The following XPO7 variants were observed in gnomAD, a reference collection of about 807,000 sequenced individuals.
XPO7 encodes exportin 7.
A neutral mutation model predicts 144.3 loss-of-function variants in XPO7; 21 were observed. That is an observed-to-expected ratio of 0.15 (90% CI 0.10 to 0.21). The LOEUF (loss-of-function observed/expected upper bound fraction) is 0.21, where lower values mean the gene tolerates loss of function less well. XPO7 is among the 10% of genes least tolerant of loss of function. XPO7 has a pLI of 1.00. For missense variants in XPO7, 808 were observed against 1,325.8 expected, an observed-to-expected ratio of 0.61 and a Z score of 6.06; for synonymous variants, 580 against 499.6, an observed-to-expected ratio of 1.16 and a Z score of -2.15.
intron 1 of XPO7, among the ~76,000 whole-genome samples, chr8:21,963,350 G>A (rs143457752): frequency 6.6e-4 from 101 of 152,262 alleles, no homozygotes; most frequent in Middle Eastern, 3.4e-3. Flanking sequence ...AGCAAGAATC[G>A]TAGTCTGTGA....
At chr8:21,982,834 C>T (rs1439975015) in intron 11 of XPO7, 22 bp downstream of exon 11, 10 of 1,576,270 alleles carry the variant, frequency 6.3e-6, no homozygotes, top group Non-Finnish European at 8.6e-6. Context: ...TAGCCTCATT[C>T]ATTCCCGCAC....
intron 6 of XPO7, 92 bp from the exon 7 acceptor site, chr8:21,976,264 T>A (rs1261184353): frequency 1.4e-6 from 2 of 1,425,202 alleles, no homozygotes; most frequent in Non-Finnish European, 1.9e-6. Flanking sequence ...CATATAGCCC[T>A]CCTTTTCTGA....
At chr8:21,997,152 A>G (rs1255725599) in intron 21 of XPO7, among the ~76,000 whole-genome samples, 1 of 152,190 alleles carries the variant, frequency 6.6e-6, no homozygotes, top group Non-Finnish European at 1.5e-5. Flanking sequence ...GGTAATATTT[A>G]AAGAGGCTAT....
intron 21 of XPO7, among the ~76,000 whole-genome samples, chr8:21,996,954 A>T (rs1812970503): frequency 6.6e-6 from 1 of 152,028 alleles, no homozygotes; most frequent in Non-Finnish European, 1.5e-5. Flanking sequence ...GATTACAGAC[A>T]TGCGCCACCA....
At chr8:21,992,132 A>C (rs1376090480) in intron 19 of XPO7, among the ~76,000 whole-genome samples, 158 bp downstream of exon 19, 6 of 151,896 alleles carry the variant, frequency 4.0e-5, no homozygotes, top group Non-Finnish European at 5.9e-5. Context: ...AGATTTGTAA[A>C]CTTCTGTTTT....
intron 1 of XPO7, among the ~76,000 whole-genome samples, chr8:21,944,338 C>T (rs375310470): frequency 1.1e-3 from 171 of 152,222 alleles, no homozygotes; most frequent in African/African-American, 3.9e-3. Flanking sequence ...GAGGCCTAGG[C>T]GGGCAGATCA....
chr8:21,985,986 C>T (rs1812566412), intron 13 of XPO7, among the ~76,000 whole-genome samples: 1 of 152,162 alleles, frequency 6.6e-6, no homozygotes, highest in Non-Finnish European at 1.5e-5. Context: ...ATATGGACTG[C>T]TTTTGCCATC....
intron 1 of XPO7, among the ~76,000 whole-genome samples, chr8:21,938,640 A>G (rs986600908): frequency 6.6e-6 from 1 of 152,186 alleles, no homozygotes; most frequent in African/African-American, 2.4e-5. Flanking sequence ...AATTATAACT[A>G]CTTGACACTA....
Position 22,005,248 on chromosome 8 carries a change from G to A in XPO7, c.*160G>A, listed in dbSNP as rs907416930. 4.0e-6 allele frequency: 2 copies of A among 504,552 alleles called. No individual in the cohort carries two copies. Among genetic ancestry groups the A allele is most frequent in the Non-Finnish European group, 6.9e-6 (2 of 289,466 alleles). 31.3% of individuals were successfully genotyped at this position (504,552 alleles called of 1,614,324 possible). ...CTAGCTGCTTCCCCAGGGAATAGGG[G>A]TGTGAGTACACTCACTAGGGGGCAG... On this transcript the variant is annotated 3_prime_UTR_variant, in exon 28 of 28. Transcript: ENST00000252512.
At position 21,989,004 on chromosome 8, in the gene XPO7, A is replaced by G. The variant is rs1378286228; in HGVS notation, c.1789A>G (p.Ile597Val). Residue 597 changes from isoleucine (I) to valine (V), a missense_variant and splice_region_variant, in exon 16 of 28, where the codon ATC (isoleucine) becomes GTC (valine). Transcript: ENST00000252512. ...TTTTTTTTTCTTTTTGTCCTCCAGC[A>G]TCACCAACTTGAAGTACTGGGGCCG... ...MVLSVFIGKI[I>V]TNLKYWGRCE... 1.2e-6 allele frequency: 2 copies of G among 1,613,060 alleles called. No homozygotes were observed. The highest frequency in any genetic ancestry group is 1.1e-5 in the South Asian group (1 of 90,948).
At chr8:21,972,225 C>G (rs1812085967) in intron 5 of XPO7, among the ~76,000 whole-genome samples, 1 of 151,224 alleles carries the variant, frequency 6.6e-6, no homozygotes, top group African/African-American at 2.4e-5. Flanking sequence ...TAAAAGCGAT[C>G]GCAGCACTTT....
intron 25 of XPO7, 46 bp from the exon 26 acceptor site, chr8:22,003,173 A>T: frequency 1.4e-6 from 2 of 1,466,342 alleles, no homozygotes; most frequent in East Asian, 2.3e-5. Context: ...TATCTTGGGT[A>T]GCAATACATT....
intron 15 of XPO7, 39 bp downstream of exon 15, chr8:21,987,896 A>C: frequency 1.3e-6 from 2 of 1,598,196 alleles, no homozygotes; most frequent in Non-Finnish European, 1.7e-6. Flanking sequence ...AGTCCTTTGC[A>C]CTCCTGTTGC....
At chr8:21,950,017 A>G (rs1811317827) in intron 1 of XPO7, among the ~76,000 whole-genome samples, 1 of 152,198 alleles carries the variant, frequency 6.6e-6, no homozygotes, top group Non-Finnish European at 1.5e-5. Context: ...GACACACCGT[A>G]CTGGGCCCTA....
chr8:21,985,524 A>G (rs1272514117), intron 12 of XPO7, 62 bp from the exon 13 acceptor site: 1 of 1,447,538 alleles, frequency 6.9e-7, no homozygotes, highest in Non-Finnish European at 9.7e-7. Context: ...GGAAGTTCAG[A>G]GTGAGGAATG....
chr8:21,944,825 G>A (rs1177657450), intron 1 of XPO7, among the ~76,000 whole-genome samples: 2 of 152,080 alleles, frequency 1.3e-5, no homozygotes, highest in African/African-American at 4.8e-5. Context: ...CAAGTATGCT[G>A]CCTTCAAGCA....
chr8:21,982,559 CTT>C, intron 10 of XPO7, 79 bp from the exon 11 acceptor site: 1 of 1,455,368 alleles, frequency 6.9e-7, no homozygotes, highest in Non-Finnish European at 9.1e-7. Context: ...AGAAAAAAGT[CTT>C]TATCTTCTGT....
intron 13 of XPO7, among the ~76,000 whole-genome samples, chr8:21,986,450 G>A (rs1244424420): frequency 6.6e-6 from 1 of 152,026 alleles, no homozygotes; most frequent in Non-Finnish European, 1.5e-5. Flanking sequence ...ACCGCGCCCC[G>A]CCTTCAATAT....
At chr8:21,991,605 C>A in intron 18 of XPO7, 3 of 315,786 alleles carry the variant, frequency 9.5e-6, no homozygotes, top group East Asian at 6.3e-5. Flanking sequence ...TAGTACCTTA[C>A]ACACATATGA....
Sources: gnomAD v4.1 joint callset for allele counts (sites outside exome capture counted in the v4.1 genomes callset) on GRCh38, gnomAD v4.1.1 for gene constraint, MANE v1.5 for transcripts, NCBI Gene and HGNC (gene_info 2026-07-23, HGNC 2026-07-21) for gene names.